Variants in SMAD3 observed in about 807,000 individuals in gnomAD.
SMAD3 encodes SMAD family member 3.
Under a neutral mutation model 51.8 loss-of-function variants are expected in SMAD3, and 12 were observed. The observed-to-expected ratio is 0.23, with a 90% CI of 0.15 to 0.38. The LOEUF (loss-of-function observed/expected upper bound fraction) is 0.38. Ranked by LOEUF, SMAD3 falls within the 10% of genes least tolerant of loss-of-function variation. The pLI is 1.00. For missense variants in SMAD3, 294 were observed against 565.6 expected (o/e 0.52, Z 4.87); for synonymous variants, 238 against 227.7 (o/e 1.05, Z -0.41).
Position 67,190,390 on chromosome 15 carries a change from A to AC in SMAD3, c.1155-19dup, listed in dbSNP as rs1567005476. On this transcript the variant is annotated intron_variant, in intron 8 of 8. Coordinates refer to ENST00000327367, the MANE Select transcript of SMAD3 (RefSeq NM_005902.4). ...GGAGATTTTTTAAGTCCCCCACCCC[A>AC]CCCCTTTCCCTATTTCTTACAGGAG... 2.5e-6 allele frequency: 4 copies of AC among 1,610,604 alleles called. No homozygotes were observed. In the Admixed American group the frequency reaches 6.7e-5, roughly 27 times the overall value.
chr15:67,188,872 C>A (rs1381068361), intron 8 of SMAD3, among the ~76,000 whole-genome samples: 2 of 152,272 alleles, frequency 1.3e-5, no homozygotes, highest in African/African-American at 4.8e-5. Flanking sequence ...AAATCCTCCT[C>A]TTCCACTTAC....
intron 1 of SMAD3, among the ~76,000 whole-genome samples, chr15:67,077,787 A>C (rs990224205): frequency 6.6e-6 from 1 of 152,202 alleles, no homozygotes; most frequent in Non-Finnish European, 1.5e-5. Context: ...CCTGACATCT[A>C]GGGAAGGCAA....
At chr15:67,126,534 C>T (rs1961392521) in intron 1 of SMAD3, among the ~76,000 whole-genome samples, 1 of 152,158 alleles carries the variant, frequency 6.6e-6, no homozygotes, top group African/African-American at 2.4e-5. Flanking sequence ...TGACCCTGCT[C>T]CAACTTCCCC....
chr15:67,176,533 T>G (rs1234698693), intron 5 of SMAD3, among the ~76,000 whole-genome samples: 1 of 152,238 alleles, frequency 6.6e-6, no homozygotes, highest in African/African-American at 2.4e-5. Context: ...ATTTCCCCCC[T>G]TGCCTCCCCA....
chr15:67,168,888 C>T (rs528133909), intron 4 of SMAD3, among the ~76,000 whole-genome samples: 11 of 152,204 alleles, frequency 7.2e-5, no homozygotes, highest in East Asian at 3.9e-4. Flanking sequence ...GCTTCCCTGC[C>T]CCCCAGGGTG....
intron 3 of SMAD3, chr15:67,165,869 A>C (rs1160071457): frequency 1.2e-5 from 2 of 172,788 alleles, no homozygotes; most frequent in African/African-American, 4.8e-5. Context: ...TTCACTCTGC[A>C]GGGAGAAATG....
Position 67,181,290 on chromosome 15 carries a change from C to T in SMAD3, c.708C>T (p.Ser236=), listed in dbSNP as rs745390727. The part of the protein sequence containing the change: ...YCEPAFWCSI[S]YYELNQRVGE... ...AGCCGGCCTTCTGGTGCTCCATCTC[C>T]TACTACGAGCTGAACCAGCGCGTCG... is the stretch of plus-strand genomic sequence containing the variant. Residue 236 remains serine (S), a synonymous_variant, in exon 6 of 9, where the codon TCC becomes TCT. Transcript: ENST00000327367. 3.0e-5 allele frequency: 48 copies of T among 1,613,924 alleles called. No individual in the cohort carries two copies. Among genetic ancestry groups the T allele is most frequent in the South Asian group, 2.9e-4 (26 of 91,060 alleles).
intron 1 of SMAD3, among the ~76,000 whole-genome samples, chr15:67,068,317 A>G (rs1477977853): frequency 1.3e-5 from 2 of 152,238 alleles, no homozygotes; most frequent in Non-Finnish European, 2.9e-5. Context: ...TCTTTGCTGA[A>G]TGCTAAAGCT....
At chr15:67,188,222 C>G (rs1175620088) in intron 8 of SMAD3, among the ~76,000 whole-genome samples, 1 of 139,824 alleles carries the variant, frequency 7.2e-6, no homozygotes, top group Non-Finnish European at 1.5e-5. Flanking sequence ...ACCATCTTGG[C>G]TTACTGCAAT....
At chr15:67,115,605 C>T (rs1165578120) in intron 1 of SMAD3, among the ~76,000 whole-genome samples, 1 of 151,172 alleles carries the variant, frequency 6.6e-6, no homozygotes, top group Non-Finnish European at 1.5e-5. Flanking sequence ...GAGAGACATG[C>T]CCTCTGGGCC....
At chr15:67,175,532 C>T (rs999014981) in intron 5 of SMAD3, among the ~76,000 whole-genome samples, 7 of 152,190 alleles carry the variant, frequency 4.6e-5, no homozygotes, top group Admixed American at 1.3e-4. Flanking sequence ...TCCTCAGGCA[C>T]CTTGCCTGAG....
chr15:67,108,793 C>T (rs1269263858), intron 1 of SMAD3, among the ~76,000 whole-genome samples: 5 of 152,196 alleles, frequency 3.3e-5, no homozygotes, highest in Non-Finnish European at 5.9e-5. Flanking sequence ...TTGGTCCTTG[C>T]AGCCTGCCTT....
intron 1 of SMAD3, chr15:67,138,109 C>T (rs1961713140): frequency 1.3e-6 from 2 of 1,549,274 alleles, no homozygotes; most frequent in Non-Finnish European, 1.7e-6. Flanking sequence ...AGGTAGGAGC[C>T]CCGTGCCGGG....
chr15:67,150,672 C>T (rs1391941705), intron 1 of SMAD3, among the ~76,000 whole-genome samples: 1 of 151,904 alleles, frequency 6.6e-6, no homozygotes, highest in African/African-American at 2.4e-5. Context: ...AAGTGAAAAA[C>T]AGAATGACTA....
chr15:67,067,717 C>T (rs1219880005), intron 1 of SMAD3, among the ~76,000 whole-genome samples: 3 of 152,090 alleles, frequency 2.0e-5, no homozygotes, highest in African/African-American at 7.2e-5. Flanking sequence ...TTTTTTTTAA[C>T]TGGGTGGATC....
intron 1 of SMAD3, among the ~76,000 whole-genome samples, chr15:67,155,468 G>T (rs961571667): frequency 6.6e-6 from 1 of 152,142 alleles, no homozygotes; most frequent in Admixed American, 6.5e-5. Flanking sequence ...TAATACTTGC[G>T]TATTAAAGAG....
intron 1 of SMAD3, among the ~76,000 whole-genome samples, chr15:67,133,733 G>A (rs117943516): frequency 3.8e-4 from 58 of 152,266 alleles, no homozygotes; most frequent in Non-Finnish European, 7.3e-4. Context: ...GAGTAGTGCC[G>A]ACTCAAATAT....
Position 67,187,420 on chromosome 15 carries a change from G to T in SMAD3, c.1065G>T (p.Ser355=), listed in dbSNP as rs756181827. The change falls in exon 8 of 9, where the codon TCG becomes TCT. Residue 355 remains serine, a synonymous_variant. Coordinates refer to ENST00000327367, the MANE Select transcript of SMAD3 (RefSeq NM_005902.4). ...AGTTCGCTGCCCTCCTGGCCCAGTC[G>T]GTCAACCAGGGCTTTGAGGCTGTCT... ...NQEFAALLAQ[S]VNQGFEAVYQ... 5 of 1,614,112 alleles carry T rather than the reference G, an allele frequency of 3.1e-6. No individual in the cohort carries two copies. Among genetic ancestry groups the T allele is most frequent in the Non-Finnish European group, 3.4e-6 (4 of 1,180,004 alleles).
At chr15:67,176,983 G>A (rs1351400911) in intron 5 of SMAD3, among the ~76,000 whole-genome samples, 1 of 152,214 alleles carries the variant, frequency 6.6e-6, no homozygotes, top group Admixed American at 6.5e-5. Context: ...TCAATGGGGT[G>A]TGTCACCTTA....
Sources: allele counts gnomAD v4.1 joint callset (sites outside exome capture counted in the v4.1 genomes callset), GRCh38; gene constraint gnomAD v4.1.1; transcripts MANE v1.5; gene names NCBI Gene and HGNC (gene_info 2026-07-23, HGNC 2026-07-21).